The following OTOGL variants were observed in gnomAD, a reference collection of about 807,000 sequenced individuals.
OTOGL encodes the protein otogelin like.
Under a neutral mutation model 318.5 loss-of-function variants are expected in OTOGL, and 285 were observed. The observed-to-expected ratio is 0.89, with a 90% confidence interval of 0.81 to 0.99. The LOEUF is 0.99. Ranked by LOEUF, OTOGL falls within the 50% of genes least tolerant of loss-of-function variation. The pLI is 0.00. For missense variants in OTOGL, 2,899 were observed against 2,845.6 expected (o/e 1.02, Z -0.43); for synonymous variants, 987 against 936.5 (o/e 1.05, Z -0.99).
chr12:80,226,177 A>AACACACACACAC (rs35975748), intron 7 of OTOGL, among the ~76,000 whole-genome samples: 2,456 of 132,902 alleles, frequency 0.018, 46 homozygotes, highest in Middle Eastern at 0.033. Flanking sequence ...TCCTGCTCCT[A>AACACACACACAC]ACACACACAC....
chr12:80,160,178 T>C (rs1333917398), intron 1 of OTOGL, among the ~76,000 whole-genome samples: 3 of 152,122 alleles, frequency 2.0e-5, no homozygotes, highest in African/African-American at 7.2e-5. Context: ...CTTCTAGACA[T>C]TGGCTTCGGC....
chr12:80,112,944 G>C (rs1254109976), intron 1 of OTOGL, among the ~76,000 whole-genome samples: 1 of 152,070 alleles, frequency 6.6e-6, no homozygotes, highest in Non-Finnish European at 1.5e-5. Flanking sequence ...CTTGTTATTG[G>C]TCTATTCAGG....
chr12:80,295,083 G>T (rs1477917984), intron 26 of OTOGL, among the ~76,000 whole-genome samples: 4 of 150,698 alleles, frequency 2.7e-5, no homozygotes, highest in African/African-American at 9.8e-5. Context: ...TGGGTGACAG[G>T]GCAAGACCCC....
intron 26 of OTOGL, among the ~76,000 whole-genome samples, chr12:80,282,276 T>C (rs770760641): frequency 6.6e-6 from 1 of 151,982 alleles, no homozygotes; most frequent in Non-Finnish European, 1.5e-5. Flanking sequence ...TGTGTGATTC[T>C]GTTATTTAAG....
At chr12:80,252,320 G>A in intron 13 of OTOGL, 119 bp downstream of exon 13, 2 of 1,151,388 alleles carry the variant, frequency 1.7e-6, no homozygotes, top group Admixed American at 3.7e-5. Context: ...GCAATTTTCT[G>A]TTCTTGTAGA....
Position 80,339,172 on chromosome 12 carries a change from G to A in OTOGL, c.4958G>A (p.Gly1653Glu), listed in dbSNP as rs1207672053. 6.2e-7 allele frequency: 1 copy of A among 1,611,128 alleles called. No individual in the cohort carries two copies. The highest frequency in any genetic ancestry group is 1.3e-5 in the African/African-American group (1 of 74,772). The change falls in exon 43 of 59, where the codon GGA becomes GAA. Residue 1653 changes from glycine to glutamate, a missense_variant. Gly to Glu is a moderately conservative substitution (Grantham distance 98, BLOSUM62 -2). This residue lies in a region of OTOGL where 2,607 missense variants were observed against 2,524.9 expected (regional missense o/e 1.03). Coordinates refer to ENST00000547103, the MANE Select transcript of OTOGL (RefSeq NM_001378609.3). The part of the protein sequence containing the change: ...GSMYVITTPA[G>E]LIIKWSHLTG... ...ATGTATGTAATTACTACTCCAGCTG[G>A]ACTAATCATAAAGTGGTCTCATCTT...
intron 1 of OTOGL, among the ~76,000 whole-genome samples, chr12:80,107,654 G>A (rs532518788): frequency 1.3e-5 from 2 of 151,996 alleles, no homozygotes; most frequent in Admixed American, 6.6e-5. Flanking sequence ...GTACACATAC[G>A]TTCATTGCAG....
chr12:80,178,379 GTTTTGCTTTTGT>G (rs955854492), intron 1 of OTOGL, among the ~76,000 whole-genome samples: 3 of 150,704 alleles, frequency 2.0e-5, no homozygotes, highest in Admixed American at 1.3e-4. Context: ...GGTATTTTTG[GTTTTGCTTTTGT>G]TTTGGCCAAC....
In OTOGL at chr12:80,122,209, C is replaced by G. The variant is rs542083579; in HGVS notation, c.-20+22604C>G. 6.6e-5 allele frequency among the ~76,000 whole-genome samples: 10 copies of G among 152,214 alleles called. No individual in the cohort carries two copies. In the East Asian group the frequency reaches 1.9e-3, roughly 29 times the overall value. ...TTAGAATTAATATACATATATACCTCTACCTTCTGAACTTAGTTCTAGGAT... is the reference window on the plus strand; with the variant it reads ...TTAGAATTAATATACATATATACCTGTACCTTCTGAACTTAGTTCTAGGAT... On this transcript the variant is annotated intron_variant, in intron 1 of 58. Coordinates refer to ENST00000547103, the MANE Select transcript of OTOGL (RefSeq NM_001378609.3).
chr12:80,101,677 GTT>G (rs200494209), intron 1 of OTOGL, among the ~76,000 whole-genome samples: 2 of 151,840 alleles, frequency 1.3e-5, no homozygotes, highest in Admixed American at 6.6e-5. Context: ...TGTAAAAGCA[GTT>G]TTTTTTAAAA....
rs12304169 is a variant in OTOGL at position 80,302,695 on chromosome 12, A to G, written c.3125A>G (p.Tyr1042Cys). Residue 1042 changes from tyrosine (Y) to cysteine (C), a missense_variant, in exon 28 of 59, where the codon TAT becomes TGT. Physicochemically the swap from Tyr to Cys is radical, Grantham distance 194. This residue lies in a region of OTOGL where 2,607 missense variants were observed against 2,524.9 expected (regional missense o/e 1.03). Transcript: ENST00000547103. Reference protein sequence around the residue: ...STYQLWKAGYYIVVYFPEKDI... With the variant: ...STYQLWKAGYCIVVYFPEKDI... ...TACCAGCTTTGGAAGGCTGGTTACTATATAGTAGTATACTTTCCAGAGAAA... is the reference window on the plus strand; with the variant it reads ...TACCAGCTTTGGAAGGCTGGTTACTGTATAGTAGTATACTTTCCAGAGAAA... 5.5e-3 allele frequency: 8,401 copies of G among 1,515,082 alleles called. 392 individuals are homozygous for G. In the African/African-American group the frequency reaches 0.1, roughly 18 times the overall value. The allele number at this position is 1,515,082 out of a possible 1,614,324, so 93.9% of individuals were successfully genotyped here.
chr12:80,104,558 G>A (rs562323859), intron 1 of OTOGL, among the ~76,000 whole-genome samples: 19 of 152,168 alleles, frequency 1.2e-4, no homozygotes, highest in African/African-American at 3.4e-4. Flanking sequence ...GCCTTAGTTC[G>A]TCATTGTCTT....
chr12:80,143,012 G>A (rs1246159673), intron 1 of OTOGL, among the ~76,000 whole-genome samples: 1 of 152,120 alleles, frequency 6.6e-6, no homozygotes, highest in Non-Finnish European at 1.5e-5. Flanking sequence ...CAAGAGGTGG[G>A]AAAGATGGGC....
Position 80,325,042 on chromosome 12 carries a change from T to A in OTOGL, c.4199+1202T>A, listed in dbSNP as rs559144213. ...GAGAGTATAAACAGCTTTTTTTTTT[T>A]AATAATATAAGAATTTTCCATAAAG... On this transcript the variant is annotated intron_variant, in intron 35 of 58. Transcript: ENST00000547103. Among the ~76,000 whole-genome samples, 17 of 148,848 alleles carry A rather than the reference T, an allele frequency of 1.1e-4. No individual in the cohort carries two copies. In the East Asian group the frequency reaches 1.2e-3, roughly 11 times the overall value.
At chr12:80,146,838 A>G (rs1444017623) in intron 1 of OTOGL, among the ~76,000 whole-genome samples, 1 of 151,616 alleles carries the variant, frequency 6.6e-6, no homozygotes, top group Non-Finnish European at 1.5e-5. Flanking sequence ...TTTCTAGTTT[A>G]TTTGCATAGA....
intron 26 of OTOGL, among the ~76,000 whole-genome samples, chr12:80,292,059 G>A (rs906737511): frequency 2.6e-5 from 4 of 151,584 alleles, no homozygotes; most frequent in Non-Finnish European, 4.4e-5. Flanking sequence ...TGCAATCTTG[G>A]CTCACCACAA....
intron 37 of OTOGL, among the ~76,000 whole-genome samples, chr12:80,331,608 G>A (rs1888074892): frequency 6.6e-6 from 1 of 151,948 alleles, no homozygotes; most frequent in African/African-American, 2.4e-5. Context: ...CCAAAGTGCT[G>A]GGATTACAGA....
At chr12:80,176,078 C>T (rs953310335) in intron 1 of OTOGL, among the ~76,000 whole-genome samples, 3 of 152,276 alleles carry the variant, frequency 2.0e-5, no homozygotes, top group African/African-American at 7.2e-5. Flanking sequence ...GTTTTCTACT[C>T]TGCTATAATT....
intron 29 of OTOGL, among the ~76,000 whole-genome samples, chr12:80,307,394 G>A (rs1383455402): frequency 1.1e-4 from 17 of 151,126 alleles, no homozygotes; most frequent in African/African-American, 4.2e-4. Context: ...CCGGGCAGAG[G>A]CACCCCTCAC....
Sources: gnomAD v4.1 joint callset for allele counts (sites outside exome capture counted in the v4.1 genomes callset) on GRCh38, gnomAD v4.1.1 for gene constraint, gnomAD v4.1.1 regional missense constraint, MANE v1.5 for transcripts, NCBI Gene and HGNC (gene_info 2026-07-23, HGNC 2026-07-21) for gene names.